STRBP: variants seen among roughly 807,000 people sequenced by gnomAD.
The protein encoded by STRBP is spermatid perinuclear RNA binding protein.
Under a neutral mutation model 80.1 loss-of-function variants are expected in STRBP, and 13 were observed. The observed-to-expected ratio is 0.16, with a 90% CI of 0.11 to 0.26. The LOEUF (loss-of-function observed/expected upper bound fraction) is 0.26, where lower values mean the gene tolerates loss of function less well. Among genes scored for constraint, STRBP ranks in the 10% least tolerant of loss-of-function variants. The pLI, the probability that STRBP is intolerant of heterozygous loss-of-function variation, is 1.00. For missense variants in STRBP, 485 were observed against 815.2 expected (o/e 0.59, Z 4.93); for synonymous variants, 284 against 291.2 (o/e 0.98, Z 0.25).
intron 11 of STRBP, among the ~76,000 whole-genome samples, chr9:123,155,972 A>T (rs1357192232): frequency 6.6e-6 from 1 of 152,110 alleles, no homozygotes; most frequent in Non-Finnish European, 1.5e-5. Flanking sequence ...AGGCCATATA[A>T]CTTTGACAGA....
intron 2 of STRBP, among the ~76,000 whole-genome samples, chr9:123,199,072 G>C (rs2039214116): frequency 6.6e-6 from 1 of 152,164 alleles, no homozygotes; most frequent in African/African-American, 2.4e-5. Flanking sequence ...AGCCTCCCGA[G>C]TAGCTGGGAC....
chr9:123,119,887 G>T (rs1212396055), downstream of STRBP, among the ~76,000 whole-genome samples: 1 of 152,186 alleles, frequency 6.6e-6, no homozygotes, highest in Admixed American at 6.5e-5. Context: ...TAGCTGTGCT[G>T]TAAAGCTTAC....
At chr9:123,147,130 T>C (rs2036844601) in intron 12 of STRBP, 76 bp from the exon 13 acceptor site, 2 of 1,347,642 alleles carry the variant, frequency 1.5e-6, no homozygotes, top group Non-Finnish European at 2.0e-6. Flanking sequence ...GGGTTCCTAG[T>C]AACTACTGTA....
At chr9:123,235,674 TTGTC>T (rs1404379017) in intron 2 of STRBP, among the ~76,000 whole-genome samples, 1 of 151,450 alleles carries the variant, frequency 6.6e-6, no homozygotes, top group African/African-American at 2.4e-5. Flanking sequence ...ATGGCACTCT[TTGTC>T]TGATCTCTTC....
chr9:123,145,741 T>C (rs1335746116), intron 13 of STRBP, among the ~76,000 whole-genome samples: 1 of 152,216 alleles, frequency 6.6e-6, no homozygotes, highest in Non-Finnish European at 1.5e-5. Flanking sequence ...TTTAGTCTTA[T>C]TCCTGGATTT....
chr9:123,213,962 G>A (rs547440856), intron 2 of STRBP: 8 of 150,676 alleles, frequency 5.3e-5, no homozygotes, highest in South Asian at 2.1e-4. Context: ...TAGAACTACC[G>A]TTTGATCCAA....
At chr9:123,163,962 G>A (rs1331558686) in intron 6 of STRBP, among the ~76,000 whole-genome samples, 1 of 152,182 alleles carries the variant, frequency 6.6e-6, no homozygotes, top group Admixed American at 6.5e-5. Flanking sequence ...AAACAGATAA[G>A]AAACAGCATG....
intron 3 of STRBP, chr9:123,114,296 C>T (rs75519678): frequency 0.016 from 2,660 of 167,306 alleles, 33 homozygotes; most frequent in South Asian, 0.062. Context: ...ACCAATCCTC[C>T]GGTCACCTCA....
At chr9:123,195,924 G>A (rs1311490431) in intron 2 of STRBP, among the ~76,000 whole-genome samples, 1 of 152,154 alleles carries the variant, frequency 6.6e-6, no homozygotes, top group African/African-American at 2.4e-5. Flanking sequence ...CAAAACTGGA[G>A]GAATTACATT....
chr9:123,200,734 A>ATTTTTTTTTTTTTTTTTTTT lies in STRBP; in HGVS notation c.-164-16456_-164-16437dup. 3.7e-4 allele frequency among the ~76,000 whole-genome samples: 14 copies of ATTTTTTTTTTTTTTTTTTTT among 37,512 alleles called. 6 individuals carry two copies. Among genetic ancestry groups the ATTTTTTTTTTTTTTTTTTTT allele is most frequent in the African/African-American group, 7.7e-4 (6 of 7,840 alleles). The allele number at this position is 37,512 out of a possible 152,430, so 24.6% of individuals were successfully genotyped here. On this transcript the variant is annotated intron_variant, in intron 2 of 18. Transcript: ENST00000348403. ...AGGCGCCCCGCCACACACCCCGCTA[A>ATTTTTTTTTTTTTTTTTTTT]TTTTTTTTTTTTTTTTTTTTTTTTT...
chr9:123,266,667 G>C (rs988045386), intron 1 of STRBP, among the ~76,000 whole-genome samples: 1 of 151,726 alleles, frequency 6.6e-6, no homozygotes, highest in African/African-American at 2.4e-5. Context: ...TCCAACTTAA[G>C]CAGTCATTTC....
At chr9:123,200,802 C>T (rs1171069114) in intron 2 of STRBP, among the ~76,000 whole-genome samples, 3 of 123,432 alleles carry the variant, frequency 2.4e-5, no homozygotes, top group Non-Finnish European at 3.2e-5. Context: ...AGGATGGTCT[C>T]GATGTCCTGA....
intron 2 of STRBP, among the ~76,000 whole-genome samples, chr9:123,223,662 T>C (rs1012229943): frequency 6.6e-6 from 1 of 152,122 alleles, no homozygotes; most frequent in Non-Finnish European, 1.5e-5. Context: ...TGAAGCAAAA[T>C]TGGAAAAAAG....
At chr9:123,180,444 A>G (rs770524293) in intron 3 of STRBP, among the ~76,000 whole-genome samples, 16 of 152,206 alleles carry the variant, frequency 1.1e-4, no homozygotes, top group Admixed American at 3.3e-4. Flanking sequence ...CAGAGTGGGA[A>G]AAATACATAC....
Position 123,173,446 on chromosome 9 carries a change from T to C in STRBP, c.390+231A>G, listed in dbSNP as rs1184178672. On this transcript the variant is annotated intron_variant, in intron 5 of 18. Coordinates refer to ENST00000348403, the MANE Select transcript of STRBP (RefSeq NM_018387.5). Reference sequence around the variant, plus strand: ...CTCAGCAAGATACAACGGAAAAGTTTAAGATGGTACCTTAATGGCCATCTT... The same window carrying C: ...CTCAGCAAGATACAACGGAAAAGTTCAAGATGGTACCTTAATGGCCATCTT... Among the ~76,000 whole-genome samples the C allele has an allele frequency of 1.3e-5, 2 of 152,192 alleles. 1 individual carries two copies. Among genetic ancestry groups the C allele is most frequent in the Admixed American group, 1.3e-4 (2 of 15,270 alleles).
intron 2 of STRBP, among the ~76,000 whole-genome samples, chr9:123,205,382 A>G (rs1474320235): frequency 6.6e-6 from 1 of 152,246 alleles, no homozygotes; most frequent in Non-Finnish European, 1.5e-5. Flanking sequence ...TTTGATTCTC[A>G]AAAGACCTTC....
chr9:123,212,360 T>C (rs1468211325), intron 2 of STRBP, among the ~76,000 whole-genome samples: 2 of 152,208 alleles, frequency 1.3e-5, no homozygotes, highest in African/African-American at 2.4e-5. Context: ...ATGATTTTCA[T>C]ATGTAAAATG....
chr9:123,218,874 C>T (rs563601362), intron 2 of STRBP, among the ~76,000 whole-genome samples: 6 of 152,198 alleles, frequency 3.9e-5, no homozygotes, highest in East Asian at 1.9e-4. Context: ...ATTTACATAG[C>T]GCTTACTGTT....
intron 1 of STRBP, among the ~76,000 whole-genome samples, chr9:123,239,703 C>G (rs2040652283): frequency 6.6e-6 from 1 of 152,134 alleles, no homozygotes; most frequent in African/African-American, 2.4e-5. Flanking sequence ...ATGTCTGGCA[C>G]TGACCTAGGA....
Sources: allele counts gnomAD v4.1 joint callset (sites outside exome capture counted in the v4.1 genomes callset), GRCh38; gene constraint gnomAD v4.1.1; transcripts MANE v1.5; gene names NCBI Gene and HGNC (gene_info 2026-07-23, HGNC 2026-07-21).